The following ZFHX3 variants were observed in gnomAD, a reference collection of about 807,000 sequenced individuals.
ZFHX3 encodes zinc finger homeobox protein 3.
Under a neutral mutation model 279.1 loss-of-function variants are expected in ZFHX3, and 42 were observed. The ratio of observed to expected loss-of-function variants is 0.15; its 90% CI spans 0.12 to 0.19. The LOEUF (loss-of-function observed/expected upper bound fraction) is 0.19, where lower values mean the gene tolerates loss of function less well. ZFHX3 is among the 10% of genes least tolerant of loss of function. The pLI is 1.00. For missense variants in ZFHX3, 4,981 were observed against 4,754.0 expected, an observed-to-expected ratio of 1.05 and a Z score of -1.40; for synonymous variants, 2,293 against 1,957.8, an observed-to-expected ratio of 1.17 and a Z score of -4.52.
chr16:73,445,292 A>ATT (rs918961200), intron 3 of ZFHX3, among the ~76,000 whole-genome samples: 1 of 101,416 alleles, frequency 9.9e-6, no homozygotes, highest in Non-Finnish European at 2.3e-5. Flanking sequence ...GTATATATAT[A>ATT]TGTATATGTA....
At chr16:73,232,845 A>T (rs952768163) in intron 5 of ZFHX3, 5 of 152,204 alleles carry the variant, frequency 3.3e-5, no homozygotes, top group Admixed American at 6.5e-5. Flanking sequence ...GAGAATAATT[A>T]AAAAGGCCAG....
At chr16:73,722,001 T>C (rs1438708618) in intron 1 of ZFHX3, among the ~76,000 whole-genome samples, 2 of 152,216 alleles carry the variant, frequency 1.3e-5, no homozygotes, top group Non-Finnish European at 2.9e-5. Context: ...GCTGTGACTG[T>C]GTCTCTGCAC....
chr16:72,850,334 C>T (rs189584088), intron 4 of ZFHX3, among the ~76,000 whole-genome samples: 9 of 152,344 alleles, frequency 5.9e-5, no homozygotes, highest in South Asian at 2.1e-4. Context: ...CGCTTCAGTA[C>T]GGAAAAGGAC....
intron 2 of ZFHX3, among the ~76,000 whole-genome samples, chr16:73,481,627 G>GTTGT (rs752232126): frequency 2.4e-4 from 35 of 148,116 alleles, no homozygotes; most frequent in Admixed American, 9.3e-4. Flanking sequence ...TTTTTTTGTT[G>GTTGT]TTGTTTGTTT....
chr16:72,890,561 G>C lies in ZFHX3; in HGVS notation c.3217-599C>G, dbSNP rs138440213. On this transcript the variant is annotated intron_variant, in intron 3 of 9. Transcript: ENST00000268489. ...TCTAGCAGTTCTTTGAAAAAACACA[G>C]CAAGCTGATACCCATTCCTATCTCC... is the stretch of plus-strand genomic sequence containing the variant. Among the ~76,000 whole-genome samples the C allele has an allele frequency of 9.7e-3, 1,464 of 151,422 alleles. 16 individuals are homozygous for C. Among genetic ancestry groups the C allele is most frequent in the Middle Eastern group, 0.017 (5 of 292 alleles).
intron 2 of ZFHX3, among the ~76,000 whole-genome samples, chr16:73,579,531 T>C (rs1164381447): frequency 6.6e-6 from 1 of 150,858 alleles, no homozygotes; most frequent in Admixed American, 6.6e-5. Flanking sequence ...AGACAGAGTC[T>C]CACTCCGTCA....
chr16:73,399,708 G>T (rs1486204497), intron 3 of ZFHX3, among the ~76,000 whole-genome samples: 1 of 152,092 alleles, frequency 6.6e-6, no homozygotes, highest in Non-Finnish European at 1.5e-5. Flanking sequence ...CATGCTGGGG[G>T]ACTGGAGAGA....
intron 4 of ZFHX3, among the ~76,000 whole-genome samples, chr16:73,275,661 C>A (rs772788227): frequency 1.3e-5 from 2 of 152,120 alleles, no homozygotes; most frequent in South Asian, 4.1e-4. Flanking sequence ...TTTATACTGT[C>A]GTCTATTGAG....
At chr16:73,502,638 G>A (rs1567503141) in intron 2 of ZFHX3, among the ~76,000 whole-genome samples, 1 of 152,214 alleles carries the variant, frequency 6.6e-6, no homozygotes, top group South Asian at 2.1e-4. Flanking sequence ...CAGAGAAAGA[G>A]ATCAGTGGAT....
intron 2 of ZFHX3, among the ~76,000 whole-genome samples, chr16:73,466,599 A>G (rs542524803): frequency 7.2e-5 from 11 of 152,076 alleles, no homozygotes; most frequent in Non-Finnish European, 1.2e-4. Context: ...CGGAAAAGGG[A>G]AAAAAAATAG....
chr16:73,161,506 C>G (rs1210143646), intron 5 of ZFHX3, among the ~76,000 whole-genome samples: 1 of 152,176 alleles, frequency 6.6e-6, no homozygotes, highest in East Asian at 1.9e-4. Flanking sequence ...TCCAAAGTGC[C>G]TAGCAGAGGG....
chr16:73,856,283 A>C (rs962649829), intron 1 of ZFHX3, among the ~76,000 whole-genome samples: 60 of 152,314 alleles, frequency 3.9e-4, no homozygotes, highest in African/African-American at 1.4e-3. Context: ...GTTTTACACT[A>C]AGCATGTCTC....
At chr16:73,498,520 T>G (rs2019179822) in intron 2 of ZFHX3, among the ~76,000 whole-genome samples, 1 of 152,142 alleles carries the variant, frequency 6.6e-6, no homozygotes, top group South Asian at 2.1e-4. Flanking sequence ...CCCTGAAGAG[T>G]TGAAGAAGGA....
chr16:73,023,141 C>T (rs903784124), intron 1 of ZFHX3, among the ~76,000 whole-genome samples: 3 of 152,200 alleles, frequency 2.0e-5, no homozygotes, highest in African/African-American at 2.4e-5. Context: ...GCAGGAGAAT[C>T]GCTTGAACCT....
chr16:73,255,162 C>T (rs1393719586), intron 5 of ZFHX3, among the ~76,000 whole-genome samples: 1 of 152,190 alleles, frequency 6.6e-6, no homozygotes, highest in East Asian at 1.9e-4. Flanking sequence ...CTGATAGCAA[C>T]CTTATGCTCA....
chr16:73,311,758 A>C (rs1212465887), intron 4 of ZFHX3, among the ~76,000 whole-genome samples: 4 of 152,154 alleles, frequency 2.6e-5, no homozygotes, highest in African/African-American at 9.7e-5. Context: ...AAAACACCTC[A>C]GTGATTTGAA....
At chr16:72,955,118 C>T (rs1961189804) in intron 2 of ZFHX3, among the ~76,000 whole-genome samples, 2 of 152,196 alleles carry the variant, frequency 1.3e-5, no homozygotes, top group African/African-American at 4.8e-5. Flanking sequence ...CCCACACCCA[C>T]TCGAGCTTCT....
intron 4 of ZFHX3, among the ~76,000 whole-genome samples, chr16:73,271,684 C>T (rs951401533): frequency 6.6e-6 from 1 of 152,232 alleles, no homozygotes; most frequent in Non-Finnish European, 1.5e-5. Context: ...GTTTCTGCTG[C>T]AGGCCAGGAG....
intron 2 of ZFHX3, among the ~76,000 whole-genome samples, chr16:73,603,101 C>T (rs181444238): frequency 2.6e-5 from 4 of 151,886 alleles, no homozygotes; most frequent in South Asian, 4.2e-4. Flanking sequence ...CTGGCTAACA[C>T]GGTAAAACCT....
Sources: gnomAD v4.1 joint callset for allele counts (sites outside exome capture counted in the v4.1 genomes callset) on GRCh38, gnomAD v4.1.1 for gene constraint, MANE v1.5 for transcripts, NCBI Gene and HGNC (gene_info 2026-07-23, HGNC 2026-07-21) for gene names.